C1QTNF3: variants seen among roughly 807,000 people sequenced by gnomAD.
C1QTNF3 encodes the protein C1q and TNF related 3, also known as complement C1q tumor necrosis factor-related protein 3.
C1QTNF3 carries 26 observed loss-of-function variants against 32.6 expected under a neutral mutation model. That is an observed-to-expected ratio of 0.80 (90% CI 0.58 to 1.11). The LOEUF (loss-of-function observed/expected upper bound fraction) is 1.11. Ranked by LOEUF, C1QTNF3 falls within the 50% of genes least tolerant of loss-of-function variation. C1QTNF3 has a pLI of 0.00. For missense variants in C1QTNF3, 362 were observed against 398.2 expected (o/e 0.91, Z 0.77); for synonymous variants, 155 against 146.0 (o/e 1.06, Z -0.44).
the C1QTNF3 span, among the ~76,000 whole-genome samples, chr5:34,112,098 G>A: frequency 1.3e-5 from 2 of 152,140 alleles, no homozygotes; most frequent in Non-Finnish European, 2.9e-5. Flanking sequence ...CTTGACAAGG[G>A]CTCTAGATGA....
the C1QTNF3 span, among the ~76,000 whole-genome samples, chr5:34,078,634 A>G: frequency 6.6e-6 from 1 of 151,588 alleles, no homozygotes; most frequent in African/African-American, 2.4e-5. This position sits in a 1 kb window ranked among gnomAD's most constrained non-coding sequence, Gnocchi z 4.0. Context: ...ATTTGAGATA[A>G]GATTTGGGTG....
At chr5:34,063,315 C>T in the C1QTNF3 span, among the ~76,000 whole-genome samples, 5 of 151,828 alleles carry the variant, frequency 3.3e-5, no homozygotes, top group African/African-American at 1.2e-4. Context: ...TCTCACTTCT[C>T]TCTCCCTTTT....
At chr5:34,222,019 T>C in the C1QTNF3 span, among the ~76,000 whole-genome samples, 4 of 152,170 alleles carry the variant, frequency 2.6e-5, no homozygotes, top group South Asian at 6.2e-4. Flanking sequence ...CCTAGACTAA[T>C]TCTCATTCAG....
chr5:34,055,497 A>T, the C1QTNF3 span, among the ~76,000 whole-genome samples: 21 of 152,238 alleles, frequency 1.4e-4, no homozygotes, highest in Admixed American at 2.0e-4. Context: ...TGAAACATCC[A>T]ATTAACATCT....
the C1QTNF3 span, among the ~76,000 whole-genome samples, chr5:34,175,042 C>T: frequency 6.9e-6 from 1 of 144,960 alleles, no homozygotes; most frequent in African/African-American, 2.6e-5. Flanking sequence ...CCACCGTGCC[C>T]AGCTCCTTTT....
the C1QTNF3 span, among the ~76,000 whole-genome samples, chr5:34,208,371 C>T: frequency 6.6e-6 from 1 of 152,138 alleles, no homozygotes; most frequent in African/African-American, 2.4e-5. Context: ...ATTCATCCTG[C>T]AGTAGTGTCA....
intron 5 of C1QTNF3, among the ~76,000 whole-genome samples, chr5:34,021,140 A>T (rs1754317964): frequency 6.6e-6 from 1 of 152,250 alleles, no homozygotes; most frequent in Admixed American, 6.5e-5. Flanking sequence ...TTTTTGTTAC[A>T]GTAATTTAGC....
chr5:34,170,415 T>G, the C1QTNF3 span, among the ~76,000 whole-genome samples: 1 of 152,100 alleles, frequency 6.6e-6, no homozygotes, highest in Non-Finnish European at 1.5e-5. Context: ...TGAGGCTGGG[T>G]CTCAAATTCA....
At chr5:34,138,667 GA>G in the C1QTNF3 span, among the ~76,000 whole-genome samples, 1 of 152,016 alleles carries the variant, frequency 6.6e-6, no homozygotes, top group Non-Finnish European at 1.5e-5. Flanking sequence ...ATCACCAAAA[GA>G]AAAACTGAGA....
chr5:34,244,303 C>CT, the C1QTNF3 span, among the ~76,000 whole-genome samples: 29 of 152,282 alleles, frequency 1.9e-4, 1 homozygote, highest in African/African-American at 6.7e-4. Context: ...TGCAGACCTT[C>CT]TTGGTGAGTG....
chr5:34,109,936 C>A, the C1QTNF3 span, among the ~76,000 whole-genome samples: 1 of 152,274 alleles, frequency 6.6e-6, no homozygotes, highest in African/African-American at 2.4e-5. Context: ...AGGTGAACAT[C>A]CTGACTCAGA....
chr5:34,196,660 A>ATTTTTTTTTT, the C1QTNF3 span, among the ~76,000 whole-genome samples: 3 of 140,980 alleles, frequency 2.1e-5, no homozygotes, highest in Non-Finnish European at 3.1e-5. Context: ...TTAATTTTTA[A>ATTTTTTTTTT]TTTTTTTTTT....
chr5:34,035,668 G>C lies in C1QTNF3; in HGVS notation c.394C>G (p.Pro132Ala). ...TTACCTGGAATGCCAGGAGGGCCCG[G>C]TGGCCCAGGGGGGCCTTGGTAGCCT... ...FRGYQGPPGP[P>A]GPPGIPGNHG... is the part of the protein sequence containing the mutation. Residue 132 changes from proline to alanine, a missense_variant, in exon 2 of 6, where the codon CCG becomes GCG. Pro to Ala is a conservative substitution (Grantham distance 27). Coordinates refer to ENST00000382065, the MANE Select transcript of C1QTNF3 (RefSeq NM_181435.6). 1 of 1,611,000 alleles carries C rather than the reference G, an allele frequency of 6.2e-7. No homozygotes were observed.
the C1QTNF3 span, among the ~76,000 whole-genome samples, chr5:34,079,792 G>A: frequency 1.3e-5 from 2 of 151,632 alleles, no homozygotes; most frequent in African/African-American, 4.9e-5. Context: ...GAAATGGGGA[G>A]GTGCCAGTCA....
chr5:34,099,162 G>A, the C1QTNF3 span, among the ~76,000 whole-genome samples: 1 of 151,940 alleles, frequency 6.6e-6, no homozygotes, highest in Admixed American at 6.6e-5. Context: ...GACTTGTTAA[G>A]TATTTGTATG....
chr5:34,052,028 C>T, the C1QTNF3 span, among the ~76,000 whole-genome samples: 1 of 152,146 alleles, frequency 6.6e-6, no homozygotes, highest in Non-Finnish European at 1.5e-5. Flanking sequence ...ATCCCAGCTA[C>T]TCGGGAGTCT....
the C1QTNF3 span, among the ~76,000 whole-genome samples, chr5:34,238,799 G>T: frequency 6.6e-6 from 1 of 151,864 alleles, no homozygotes; most frequent in Admixed American, 6.6e-5. Context: ...ACCCAGCTAG[G>T]TACTATAAAA....
chr5:34,088,695 T>A, the C1QTNF3 span, among the ~76,000 whole-genome samples: 4 of 152,176 alleles, frequency 2.6e-5, no homozygotes, highest in Admixed American at 6.5e-5. Flanking sequence ...TGTTTGTTTA[T>A]GAAACTGGGT....
At chr5:34,141,409 C>T in the C1QTNF3 span, among the ~76,000 whole-genome samples, 83 of 152,252 alleles carry the variant, frequency 5.5e-4, no homozygotes, top group Non-Finnish European at 9.4e-4. Flanking sequence ...TGAGCCACCG[C>T]GCCGGGCCCG....
Sources: gnomAD v4.1 joint callset for allele counts (sites outside exome capture counted in the v4.1 genomes callset) on GRCh38, gnomAD v4.1.1 for gene constraint, Gnocchi (gnomAD v3.1) non-coding constraint, MANE v1.5 for transcripts, NCBI Gene and HGNC (gene_info 2026-07-23, HGNC 2026-07-21) for gene names.